CADPS: variants seen among roughly 807,000 people sequenced by gnomAD.
The protein encoded by CADPS is calcium-dependent secretion activator 1.
CADPS carries 57 observed loss-of-function variants against 167.3 expected under a neutral mutation model. The ratio of observed to expected loss-of-function variants is 0.34; its 90% CI spans 0.28 to 0.42. CADPS has a LOEUF of 0.42. Among genes scored for constraint, CADPS ranks in the 20% least tolerant of loss-of-function variants. The pLI, the probability that CADPS is intolerant of heterozygous loss-of-function variation, is 1.00. For missense variants in CADPS, 1,414 were observed against 1,738.1 expected (o/e 0.81, Z 3.32); for synonymous variants, 676 against 635.3 (o/e 1.06, Z -0.96).
chr3:62,779,502 G>T, intron 1 of CADPS: 1 of 537,794 alleles, frequency 1.9e-6, no homozygotes, highest in Non-Finnish European at 3.8e-6. Context: ...CCCTTCTCTG[G>T]CTTCAATCTT....
chr3:62,578,213 G>T (rs833651), intron 8 of CADPS, among the ~76,000 whole-genome samples: 2 of 147,756 alleles, frequency 1.4e-5, no homozygotes, highest in African/African-American at 5.0e-5. Context: ...TTACAAAAAA[G>T]GCTGGAGGGG....
Position 62,478,893 on chromosome 3 carries a change from A to G in CADPS, c.3174-477T>C, listed in dbSNP as rs1285713411. On this transcript the variant is annotated intron_variant, in intron 22 of 29. Transcript: ENST00000383710. The surrounding 1 kb of genome is among the most constrained non-coding windows in gnomAD (Gnocchi z 5.7). ...GCACAAGACTTTTCGTTTTCAAAGG[A>G]CAGTGCTAACAAAGTGGTGAGCGAG... Among the ~76,000 whole-genome samples the G allele has an allele frequency of 1.3e-5, 2 of 152,330 alleles. No homozygotes were observed. The highest frequency in any genetic ancestry group is 6.5e-5 in the Admixed American group (1 of 15,300).
At chr3:62,745,613 G>T (rs937138376) in intron 3 of CADPS, among the ~76,000 whole-genome samples, 2 of 152,106 alleles carry the variant, frequency 1.3e-5, no homozygotes, top group African/African-American at 4.8e-5. Context: ...TGACCCTCAG[G>T]TAACATCCAC....
chr3:62,622,579 A>T lies in CADPS; in HGVS notation c.1325+23143T>A, dbSNP rs189479446. Among the ~76,000 whole-genome samples, 342 of 152,266 alleles carry T rather than the reference A, an allele frequency of 2.2e-3. 2 individuals are homozygous for T. Among genetic ancestry groups the T allele is most frequent in the Non-Finnish European group, 4.4e-3 (296 of 67,992 alleles). ...GTCTTAGAAACGGAAGGGGCCAAAG[A>T]CACATTAACTACTAGTATTTTTAGG... On this transcript the variant is annotated intron_variant, in intron 6 of 29. Coordinates refer to ENST00000383710, the MANE Select transcript of CADPS (RefSeq NM_003716.4).
intron 13 of CADPS, among the ~76,000 whole-genome samples, chr3:62,522,331 G>C (rs1453949573): frequency 1.3e-5 from 2 of 152,052 alleles, no homozygotes; most frequent in Non-Finnish European, 2.9e-5. Flanking sequence ...CAGACACAAG[G>C]TCTCATTATG....
chr3:62,482,274 C>T (rs1009006697), intron 21 of CADPS, among the ~76,000 whole-genome samples: 2 of 152,112 alleles, frequency 1.3e-5, no homozygotes, highest in African/African-American at 4.8e-5. Flanking sequence ...TGGTGGAGCA[C>T]TTCAATTTTC....
chr3:62,750,156 A>G (rs2082370024), intron 3 of CADPS, among the ~76,000 whole-genome samples: 2 of 151,928 alleles, frequency 1.3e-5, no homozygotes, highest in African/African-American at 2.4e-5. Flanking sequence ...GTTTGAAACC[A>G]GCCTGGCCAA....
chr3:62,463,298 A>G (rs752757800), intron 26 of CADPS, among the ~76,000 whole-genome samples: 1 of 152,136 alleles, frequency 6.6e-6, no homozygotes, highest in Non-Finnish European at 1.5e-5. Flanking sequence ...TGCTCAGTAA[A>G]GAGTAGAGGA....
chr3:62,477,194 T>C (rs1349621387), intron 23 of CADPS, among the ~76,000 whole-genome samples: 2 of 152,152 alleles, frequency 1.3e-5, no homozygotes, highest in African/African-American at 2.4e-5. Flanking sequence ...TTCCAAGATA[T>C]GAAATAATAA....
chr3:62,422,413 T>C (rs1361493081), intron 28 of CADPS, among the ~76,000 whole-genome samples: 1 of 152,240 alleles, frequency 6.6e-6, no homozygotes. Context: ...CAGCTGACGA[T>C]CTATCGGGAA....
At chr3:62,518,355 G>A (rs2151715150) in intron 13 of CADPS, 105 bp from the exon 14 acceptor site, 2 of 782,938 alleles carry the variant, frequency 2.6e-6, no homozygotes, top group Non-Finnish European at 4.1e-6. Context: ...AACAACTACA[G>A]TGATCGATGT....
intron 14 of CADPS, 50 bp from the exon 15 acceptor site, chr3:62,516,693 T>C (rs1489701944): frequency 1.5e-6 from 2 of 1,302,738 alleles, no homozygotes; most frequent in Non-Finnish European, 2.2e-6. Flanking sequence ...CATTTTAGCA[T>C]GAAATATGCT....
Position 62,550,209 on chromosome 3 carries a change from C to G in CADPS, c.1754-94G>C. The G allele has an allele frequency of 2.1e-6, 2 of 956,676 alleles. 1 individual carries two copies. The highest frequency in any genetic ancestry group is 3.3e-6 in the Non-Finnish European group (2 of 604,032). The allele number at this position is 956,676 out of a possible 1,614,324, so 59.3% of individuals were successfully genotyped here. A position where few individuals can be genotyped will look rare whatever the true frequency, so the allele number is the denominator to read the frequency against. On this transcript the variant is annotated intron_variant, in intron 10 of 29. Coordinates refer to ENST00000383710, the MANE Select transcript of CADPS (RefSeq NM_003716.4). ...GAAAAAGCAGTTTCTGCTGCTTTTC[C>G]TTGGGACAGAAGAGGGGGGTAGTGA...
chr3:62,631,540 T>C lies in CADPS; in HGVS notation c.1325+14182A>G, dbSNP rs575949954. On this transcript the variant is annotated intron_variant, in intron 6 of 29. Coordinates refer to ENST00000383710, the MANE Select transcript of CADPS (RefSeq NM_003716.4). ...ACGCAAGATCCTGCACAAATATAAC[T>C]AAGACATTAATTGCCCTCAGTTCCA... Among the ~76,000 whole-genome samples the C allele has an allele frequency of 7.2e-5, 11 of 152,330 alleles. No homozygotes were observed. In the South Asian group the frequency reaches 2.3e-3, roughly 32 times the overall value.
At chr3:62,581,296 A>C (rs978030095) in intron 8 of CADPS, among the ~76,000 whole-genome samples, 2 of 152,090 alleles carry the variant, frequency 1.3e-5, no homozygotes, top group African/African-American at 4.8e-5. Context: ...TTCTGATGCT[A>C]CCTTCCCCTA....
At chr3:62,869,310 C>G (rs1670606950) in intron 1 of CADPS, among the ~76,000 whole-genome samples, 1 of 152,086 alleles carries the variant, frequency 6.6e-6, no homozygotes, top group Non-Finnish European at 1.5e-5. Context: ...CTGTACCAGT[C>G]TCTTCACTTA....
At chr3:62,545,662 T>C (rs1485445293) in intron 11 of CADPS, among the ~76,000 whole-genome samples, 1 of 152,122 alleles carries the variant, frequency 6.6e-6, no homozygotes, top group African/African-American at 2.4e-5. Context: ...CACTCCACTC[T>C]TCTCGAAGTG....
chr3:62,710,434 G>C (rs906974062), intron 3 of CADPS, among the ~76,000 whole-genome samples: 1 of 151,992 alleles, frequency 6.6e-6, no homozygotes, highest in Non-Finnish European at 1.5e-5. Context: ...CCTTGGGAAA[G>C]TTACCGAACC....
At chr3:62,537,135 A>T (rs536707598) in intron 11 of CADPS, among the ~76,000 whole-genome samples, 7 of 152,140 alleles carry the variant, frequency 4.6e-5, no homozygotes, top group Non-Finnish European at 1.5e-5. Flanking sequence ...AATTAAAAAT[A>T]AAAAAAACGA....
Sources: gnomAD v4.1 joint callset for allele counts (sites outside exome capture counted in the v4.1 genomes callset) on GRCh38, gnomAD v4.1.1 for gene constraint, Gnocchi (gnomAD v3.1) non-coding constraint, MANE v1.5 for transcripts, NCBI Gene and HGNC (gene_info 2026-07-23, HGNC 2026-07-21) for gene names.